TRAPPC9: variants seen among roughly 807,000 people sequenced by gnomAD.
TRAPPC9 encodes IKK2 binding protein.
A neutral mutation model predicts 124.0 loss-of-function variants in TRAPPC9; 83 were observed. That is an observed-to-expected ratio of 0.67 (90% CI 0.56 to 0.80). The LOEUF is 0.80. TRAPPC9 is among the 30% of genes least tolerant of loss of function. TRAPPC9 has a pLI of 0.00. For missense variants in TRAPPC9, 1,302 were observed against 1,508.3 expected (o/e 0.86, Z 2.27); for synonymous variants, 638 against 617.5 (o/e 1.03, Z -0.49).
At chr8:140,202,813 C>A (rs1219642512) in intron 17 of TRAPPC9, among the ~76,000 whole-genome samples, 1 of 152,166 alleles carries the variant, frequency 6.6e-6, no homozygotes, top group Non-Finnish European at 1.5e-5. Context: ...ACCTGAAGTA[C>A]CAACTTCACC....
chr8:140,268,159 C>T (rs1011365196), intron 15 of TRAPPC9, among the ~76,000 whole-genome samples: 1 of 152,084 alleles, frequency 6.6e-6, no homozygotes, highest in Non-Finnish European at 1.5e-5. Context: ...AAAATCAATC[C>T]ACAACCAAGT....
At chr8:140,270,445 T>C (rs986710185) in intron 15 of TRAPPC9, among the ~76,000 whole-genome samples, 4 of 152,150 alleles carry the variant, frequency 2.6e-5, no homozygotes, top group African/African-American at 4.8e-5. Flanking sequence ...CCGTCACCAA[T>C]TACTCGGTAC....
intron 11 of TRAPPC9, among the ~76,000 whole-genome samples, chr8:140,298,578 G>T (rs1172678216): frequency 4.6e-5 from 7 of 152,164 alleles, no homozygotes; most frequent in Non-Finnish European, 7.3e-5. Context: ...ACTGAGCCCA[G>T]GAGGTTGAGG....
At chr8:140,114,773 A>T (rs1037589030) in intron 17 of TRAPPC9, among the ~76,000 whole-genome samples, 1 of 152,188 alleles carries the variant, frequency 6.6e-6, no homozygotes, top group Admixed American at 6.5e-5. Context: ...AAACAGAAAA[A>T]GTTTCTGTGA....
intron 19 of TRAPPC9, among the ~76,000 whole-genome samples, chr8:139,960,672 C>T (rs990449592): frequency 2.4e-5 from 3 of 127,596 alleles, no homozygotes; most frequent in South Asian, 2.5e-4. Context: ...CCGTCCTCAA[C>T]GGAGAAGCCA....
intron 7 of TRAPPC9, among the ~76,000 whole-genome samples, chr8:140,385,613 C>T (rs1470504954): frequency 1.3e-5 from 2 of 152,122 alleles, no homozygotes; most frequent in Non-Finnish European, 2.9e-5. Flanking sequence ...CAAGACTAAA[C>T]CAGTAAAAAG....
At position 140,345,035 on chromosome 8, in the gene TRAPPC9, G is replaced by A. The variant is rs146381728; in HGVS notation, c.1495+15015C>T. On this transcript the variant is annotated intron_variant, in intron 9 of 22. Transcript: ENST00000438773. The stretch of plus-strand genomic sequence containing the variant: ...AGTGGGGCGGGCAGGGGCACCCTGC[G>A]CCCTGTGCTGAGAGGGAAGCGAAGG... 1.5e-3 allele frequency among the ~76,000 whole-genome samples: 232 copies of A among 152,370 alleles called. 1 individual carries two copies. Among genetic ancestry groups the A allele is most frequent in the African/African-American group, 5.4e-3 (223 of 41,596 alleles).
At chr8:139,967,416 T>C (rs1008037612) in intron 19 of TRAPPC9, among the ~76,000 whole-genome samples, 1 of 152,238 alleles carries the variant, frequency 6.6e-6, no homozygotes, top group Non-Finnish European at 1.5e-5. Context: ...TAACTTATCC[T>C]GCACAGAATG....
chr8:139,962,411 A>T lies in TRAPPC9; in HGVS notation c.2810+26315T>A, dbSNP rs1489782000. 1.6e-5 allele frequency among the ~76,000 whole-genome samples: 2 copies of T among 125,524 alleles called. 1 individual carries two copies. The highest frequency in any genetic ancestry group is 3.8e-5 in the Non-Finnish European group (2 of 52,570). The allele number at this position is 125,524 out of a possible 152,430, so 82.3% of individuals were successfully genotyped here. A position where few individuals can be genotyped will look rare whatever the true frequency, so the allele number is the denominator to read the frequency against. On this transcript the variant is annotated intron_variant, in intron 19 of 22. Transcript: ENST00000438773. ...TGAGCAAAGGCACCAAGGTGTAAGA[A>T]CACAAGTTGTATGTTCTCTTTTTTT...
At chr8:140,175,409 T>C (rs2062045430) in intron 17 of TRAPPC9, among the ~76,000 whole-genome samples, 1 of 151,846 alleles carries the variant, frequency 6.6e-6, no homozygotes, top group South Asian at 2.1e-4. Context: ...ATTACGCAAT[T>C]AAGCAAGCAG....
At chr8:140,057,995 G>A (rs1041950201) in intron 17 of TRAPPC9, among the ~76,000 whole-genome samples, 10 of 152,210 alleles carry the variant, frequency 6.6e-5, no homozygotes, top group African/African-American at 2.2e-4. Context: ...ACCCAGCAAC[G>A]GCTGGCATTC....
intron 17 of TRAPPC9, among the ~76,000 whole-genome samples, chr8:140,158,496 G>A (rs768665831): frequency 5.9e-5 from 9 of 152,180 alleles, no homozygotes; most frequent in African/African-American, 1.2e-4. Flanking sequence ...GAGTGAAGGC[G>A]TTTCACCTAC....
At chr8:140,273,007 C>T (rs1481925816) in intron 15 of TRAPPC9, among the ~76,000 whole-genome samples, 1 of 152,178 alleles carries the variant, frequency 6.6e-6, no homozygotes, top group Non-Finnish European at 1.5e-5. Context: ...AAGTGCTTCA[C>T]ACATATTATC....
chr8:139,824,664 G>A (rs1223878928), intron 21 of TRAPPC9, among the ~76,000 whole-genome samples: 2 of 152,120 alleles, frequency 1.3e-5, no homozygotes, highest in South Asian at 2.1e-4. Flanking sequence ...AGGTTCAAGC[G>A]ACTCTTGAGC....
At position 139,846,536 on chromosome 8, in the gene TRAPPC9, T is replaced by C. The variant is rs187969613; in HGVS notation, c.3055+39343A>G. 2.5e-3 allele frequency among the ~76,000 whole-genome samples: 374 copies of C among 152,302 alleles called. 8 individuals carry two copies. The highest frequency in any genetic ancestry group is 2.6e-4 in the Non-Finnish European group (18 of 68,020). On this transcript the variant is annotated intron_variant, in intron 21 of 22. Coordinates refer to ENST00000438773, the MANE Select transcript of TRAPPC9 (RefSeq NM_001160372.4). ...TCAGGAATAAGAAGAAAAATGAAGA[T>C]GGATATTTACAAACAACTCCTAAAG...
At chr8:139,946,509 G>A (rs953282000) in intron 19 of TRAPPC9, among the ~76,000 whole-genome samples, 4 of 152,140 alleles carry the variant, frequency 2.6e-5, no homozygotes, top group Non-Finnish European at 5.9e-5. Context: ...TCTTCCTCTA[G>A]CAGTGCTATT....
intron 18 of TRAPPC9, among the ~76,000 whole-genome samples, chr8:139,993,805 C>T (rs764631122): frequency 1.8e-4 from 28 of 151,932 alleles, no homozygotes; most frequent in Non-Finnish European, 3.7e-4. Flanking sequence ...ATATGTATAT[C>T]AAATTTTAAA....
intron 21 of TRAPPC9, among the ~76,000 whole-genome samples, chr8:139,865,942 G>C (rs994695444): frequency 6.6e-6 from 1 of 152,170 alleles, no homozygotes; most frequent in African/African-American, 2.4e-5. Flanking sequence ...GGAAGCCTGA[G>C]ACATCAATCA....
At chr8:140,200,770 A>G (rs1227536911) in intron 17 of TRAPPC9, among the ~76,000 whole-genome samples, 1 of 152,146 alleles carries the variant, frequency 6.6e-6, no homozygotes, top group African/African-American at 2.4e-5. Flanking sequence ...ACAGAAAAGG[A>G]CAGGAGCGGA....
Sources: gnomAD v4.1 joint callset for allele counts (sites outside exome capture counted in the v4.1 genomes callset) on GRCh38, gnomAD v4.1.1 for gene constraint, MANE v1.5 for transcripts, NCBI Gene and HGNC (gene_info 2026-07-23, HGNC 2026-07-21) for gene names.